The following KDM2B variants were observed in gnomAD, a reference collection of about 807,000 sequenced individuals.
KDM2B encodes lysine demethylase 2B, also known as lysine-specific demethylase 2B.
Under a neutral mutation model 150.0 loss-of-function variants are expected in KDM2B, and 26 were observed. That is an observed-to-expected ratio of 0.17 (90% CI 0.13 to 0.24). The LOEUF (loss-of-function observed/expected upper bound fraction) is 0.24. Among genes scored for constraint, KDM2B ranks in the 10% least tolerant of loss-of-function variants. KDM2B has a pLI of 1.00. For synonymous variants in KDM2B, 734 were observed against 729.5 expected (o/e 1.01, Z -0.10); for missense variants, 1,265 against 1,816.9 (o/e 0.70, Z 5.52).
At chr12:121,504,589 C>T (rs1014379486) in intron 11 of KDM2B, among the ~76,000 whole-genome samples, 3 of 152,054 alleles carry the variant, frequency 2.0e-5, no homozygotes, top group Non-Finnish European at 2.9e-5. Flanking sequence ...AGTAAATCCA[C>T]GGGACAGAAA....
intron 1 of KDM2B, chr12:121,580,330 G>C (rs1891871805): frequency 9.9e-7 from 1 of 1,014,334 alleles, no homozygotes; most frequent in African/African-American, 1.8e-5. Flanking sequence ...CCGCGGCCGG[G>C]CTATTTGGGG....
chr12:121,446,948 C>T (rs1876379456), intron 13 of KDM2B, among the ~76,000 whole-genome samples: 1 of 152,184 alleles, frequency 6.6e-6, no homozygotes, highest in Non-Finnish European at 1.5e-5. Flanking sequence ...GTTACAACAT[C>T]ATGCCTGAGC....
chr12:121,414,118 T>A, the KDM2B span, among the ~76,000 whole-genome samples: 1 of 152,250 alleles, frequency 6.6e-6, no homozygotes, highest in Admixed American at 6.5e-5. Context: ...TATTTGCTTT[T>A]TGTTTTAAGA....
chr12:121,418,001 T>G, the KDM2B span: 6 of 1,352,548 alleles, frequency 4.4e-6, no homozygotes, highest in African/African-American at 8.8e-5. Flanking sequence ...TGACTTCTGA[T>G]AAACTTCAAG....
chr12:121,442,601 C>T lies in KDM2B; in HGVS notation c.2840G>A (p.Ser947Asn), dbSNP rs782130849. The change falls in exon 19 of 23, where the codon AGC becomes AAC. Residue 947 changes from serine (S) to asparagine (N), a missense_variant. Ser to Asn is a conservative substitution (Grantham distance 46). Transcript: ENST00000377071. The surrounding 1 kb of genome is among the most constrained non-coding windows in gnomAD (Gnocchi z 7.7). ...GTTGAGCTCCTTGCTCAGCTCCCTG[C>T]TCAGCTCCTTGTTGGGAAGCCGCCG... is the stretch of plus-strand genomic sequence containing the variant. ...RKRRLPNKEL[S>N]RELSKELNHE... 6 of 1,602,068 alleles carry T rather than the reference C, an allele frequency of 3.7e-6. No individual in the cohort carries two copies. The highest frequency in any genetic ancestry group is 5.1e-6 in the Non-Finnish European group (6 of 1,179,636).
chr12:121,411,580 T>A, the KDM2B span, among the ~76,000 whole-genome samples: 1 of 152,226 alleles, frequency 6.6e-6, no homozygotes, highest in Non-Finnish European at 1.5e-5. Flanking sequence ...AAAAGGGGTG[T>A]CATTTGAGAT....
Position 121,516,660 on chromosome 12 carries a change from TC to T in KDM2B, c.1048-3259del, listed in dbSNP as rs145339665. 3.8e-3 allele frequency: 2,638 copies of T among 695,478 alleles called. 60 individuals carry two copies. In the African/African-American group the frequency reaches 0.042, roughly 11 times the overall value. 43.1% of individuals were successfully genotyped at this position (695,478 alleles called of 1,614,324 possible). A position where few individuals can be genotyped will look rare whatever the true frequency, so the allele number is the denominator to read the frequency against. On this transcript the variant is annotated intron_variant, in intron 9 of 22. Transcript: ENST00000377071. Reference sequence around the variant, plus strand: ...TGCAATGCTCCCAGCCTGCAGGTCATCCGTCTACCAGAGGACCTCAGGGCCC... The same window carrying T: ...TGCAATGCTCCCAGCCTGCAGGTCATCGTCTACCAGAGGACCTCAGGGCCC...
In KDM2B at chr12:121,579,558, G is replaced by C. The variant is rs1555317512; in HGVS notation, c.127-612C>G. ...GGGGAGGAGAATCGGGGCTTGGAAG[G>C]GGGAGAGGCAGACGGCCCGCCACAA... On this transcript the variant is annotated intron_variant, in intron 1 of 22. Coordinates refer to ENST00000377071, the MANE Select transcript of KDM2B (RefSeq NM_032590.5). 4 of 1,293,586 alleles carry C rather than the reference G, an allele frequency of 3.1e-6. No individual in the cohort carries two copies. The African/African-American group carries it at 4.5e-5, about 15-fold the overall frequency. The allele number at this position is 1,293,586 out of a possible 1,614,324, so 80.1% of individuals were successfully genotyped here. A position where few individuals can be genotyped will look rare whatever the true frequency, so the allele number is the denominator to read the frequency against.
intron 8 of KDM2B, among the ~76,000 whole-genome samples, chr12:121,524,199 CTCCACTCCCCTCCCT>C (rs1555306384): frequency 6.6e-6 from 1 of 152,188 alleles, no homozygotes; most frequent in East Asian, 1.9e-4. Flanking sequence ...ATCCTGTCCC[CTCCACTCCCCTCCCT>C]TCTGGGGAAC....
chr12:121,457,560 C>G (rs1192536104), intron 12 of KDM2B, among the ~76,000 whole-genome samples: 1 of 152,070 alleles, frequency 6.6e-6, no homozygotes, highest in Non-Finnish European at 1.5e-5. Flanking sequence ...CTGTGCCTGG[C>G]CTCAAACACC....
chr12:121,496,822 G>A (rs1593951144), intron 11 of KDM2B, among the ~76,000 whole-genome samples: 1 of 151,556 alleles, frequency 6.6e-6, no homozygotes, highest in African/African-American at 2.4e-5. Flanking sequence ...CCAAAGTGCT[G>A]GGATTGCAGG....
chr12:121,504,722 C>T (rs1418344808), intron 11 of KDM2B, among the ~76,000 whole-genome samples: 5 of 152,006 alleles, frequency 3.3e-5, no homozygotes, highest in African/African-American at 4.8e-5. Flanking sequence ...AATTGTTGGC[C>T]GGGGCGGTGG....
intron 12 of KDM2B, among the ~76,000 whole-genome samples, chr12:121,486,466 A>G (rs1307881251): frequency 1.4e-5 from 2 of 145,054 alleles, no homozygotes; most frequent in Non-Finnish European, 1.5e-5. Flanking sequence ...GGCGTGAGCC[A>G]CTGCGCCCGG....
chr12:121,519,099 T>C (rs989471409), intron 9 of KDM2B, among the ~76,000 whole-genome samples: 4 of 152,090 alleles, frequency 2.6e-5, no homozygotes, highest in Non-Finnish European at 5.9e-5. Flanking sequence ...GATCTAGGCG[T>C]CACGTGTCAA....
At chr12:121,463,319 A>G (rs1370187133) in intron 12 of KDM2B, among the ~76,000 whole-genome samples, 1 of 152,134 alleles carries the variant, frequency 6.6e-6, no homozygotes, top group Non-Finnish European at 1.5e-5. Context: ...CCGTCTCAAA[A>G]AAAAAAAAAG....
At chr12:121,550,138 C>T (rs1347438911) in intron 4 of KDM2B, among the ~76,000 whole-genome samples, 14 of 152,056 alleles carry the variant, frequency 9.2e-5, no homozygotes, top group African/African-American at 4.8e-5. Flanking sequence ...AGTGAAACCC[C>T]GTTTCTACTA....
chr12:121,489,574 G>A (rs1555299570), intron 12 of KDM2B, among the ~76,000 whole-genome samples: 1 of 152,096 alleles, frequency 6.6e-6, no homozygotes, highest in Non-Finnish European at 1.5e-5. Context: ...CAAGTATCTG[G>A]GACTACAGGC....
chr12:121,502,398 G>A (rs984671703), intron 11 of KDM2B, among the ~76,000 whole-genome samples: 1 of 152,220 alleles, frequency 6.6e-6, no homozygotes, highest in African/African-American at 2.4e-5. Context: ...GAGATAGGCA[G>A]ATTGCTTGAG....
intron 2 of KDM2B, among the ~76,000 whole-genome samples, chr12:121,578,392 T>A (rs1209820159): frequency 6.6e-6 from 1 of 152,146 alleles, no homozygotes; most frequent in African/African-American, 2.4e-5. Context: ...TGGGGGGCCT[T>A]ACCCCGATGC....
Sources: gnomAD v4.1 joint callset for allele counts (sites outside exome capture counted in the v4.1 genomes callset) on GRCh38, gnomAD v4.1.1 for gene constraint, Gnocchi (gnomAD v3.1) non-coding constraint, MANE v1.5 for transcripts, NCBI Gene and HGNC (gene_info 2026-07-23, HGNC 2026-07-21) for gene names.